Variants in TNS3 observed in about 807,000 individuals in gnomAD.
TNS3 encodes tensin 3, also known as tensin-3.
In TNS3, 45 loss-of-function variants were observed where a neutral mutation model predicts 140.9. The observed-to-expected ratio is 0.32, with a 90% CI of 0.25 to 0.41. The LOEUF (loss-of-function observed/expected upper bound fraction) is 0.41, where lower values mean the gene tolerates loss of function less well. TNS3 is among the 10% of genes least tolerant of loss of function. The pLI is 1.00. For synonymous variants in TNS3, 815 were observed against 788.4 expected, an observed-to-expected ratio of 1.03 and a Z score of -0.56; for missense variants, 1,716 against 1,906.7, an observed-to-expected ratio of 0.90 and a Z score of 1.86.
chr7:47,489,168 G>A (rs746007888), intron 3 of TNS3, among the ~76,000 whole-genome samples: 9 of 152,132 alleles, frequency 5.9e-5, no homozygotes, highest in South Asian at 2.1e-4. Context: ...ACACCCGCCC[G>A]GCAGACGCAA....
intron 1 of TNS3, among the ~76,000 whole-genome samples, chr7:47,561,602 G>A (rs1011047331): frequency 1.3e-5 from 2 of 152,134 alleles, no homozygotes; most frequent in Non-Finnish European, 2.9e-5. Flanking sequence ...CATTCCTTAG[G>A]TGGGTTGCAG....
chr7:47,405,488 C>T, intron 13 of TNS3: 1 of 702,846 alleles, frequency 1.4e-6, no homozygotes, highest in Middle Eastern at 2.3e-4. Context: ...CAGGCAGGGC[C>T]AACACTAACC....
intron 13 of TNS3, among the ~76,000 whole-genome samples, chr7:47,401,278 T>G (rs1054186131): frequency 2.0e-5 from 3 of 152,156 alleles, no homozygotes; most frequent in African/African-American, 7.2e-5. Flanking sequence ...ATCCGAAAAA[T>G]AGAATTCCAT....
chr7:47,382,551 G>C (rs930467453), intron 16 of TNS3, among the ~76,000 whole-genome samples: 1 of 152,194 alleles, frequency 6.6e-6, no homozygotes, highest in Non-Finnish European at 1.5e-5. Flanking sequence ...CTGTGGCTCA[G>C]AGTGTTTTGA....
At chr7:47,524,808 CAAGAAAAAAAAA>C (rs1284126145) in intron 2 of TNS3, among the ~76,000 whole-genome samples, 9 of 25,258 alleles carry the variant, frequency 3.6e-4, no homozygotes, top group African/African-American at 4.3e-4. Context: ...GACTCCGTCT[CAAGAAAAAAAAA>C]AAAAAAAAAA....
intron 21 of TNS3, 64 bp downstream of exon 21, chr7:47,304,768 T>C (rs2150725689): frequency 7.6e-7 from 1 of 1,317,882 alleles, no homozygotes; most frequent in Non-Finnish European, 9.8e-7. Flanking sequence ...TGGTCCCACA[T>C]GCCTCTCAGC....
intron 3 of TNS3, among the ~76,000 whole-genome samples, chr7:47,488,489 C>T (rs1797691095): frequency 6.6e-6 from 1 of 152,180 alleles, no homozygotes; most frequent in Non-Finnish European, 1.5e-5. Flanking sequence ...CAGATGGCCA[C>T]CTTCTCCCCG....
At position 47,532,121 on chromosome 7, in the gene TNS3, T is replaced by A. The variant is rs919206012; in HGVS notation, c.-264-2974A>T. ...GAGTGTCTATTCTGGCTGCCTGGCC[T>A]GTCTCCTCTCCCGGCCCCCCACCTC... On this transcript the variant is annotated intron_variant, in intron 1 of 30. Coordinates refer to ENST00000311160, the MANE Select transcript of TNS3 (RefSeq NM_022748.12). 7.9e-5 allele frequency among the ~76,000 whole-genome samples: 12 copies of A among 151,578 alleles called. No individual in the cohort carries two copies. The East Asian group carries it at 2.3e-3, about 29-fold the overall frequency.
chr7:47,328,247 C>T (rs1001844397), intron 20 of TNS3, among the ~76,000 whole-genome samples: 3 of 152,210 alleles, frequency 2.0e-5, no homozygotes, highest in Non-Finnish European at 2.9e-5. Flanking sequence ...GAAAGAATCC[C>T]GGGATTGTTG....
intron 20 of TNS3, among the ~76,000 whole-genome samples, chr7:47,313,808 GT>G (rs1326490473): frequency 1.3e-5 from 2 of 152,186 alleles, no homozygotes; most frequent in Non-Finnish European, 2.9e-5. Flanking sequence ...TGTTATCACA[GT>G]GCTTGTCCCA....
At chr7:47,392,517 G>C (rs1049728539) in intron 16 of TNS3, among the ~76,000 whole-genome samples, 1 of 152,158 alleles carries the variant, frequency 6.6e-6, no homozygotes, top group African/African-American at 2.4e-5. Flanking sequence ...GTGGAAAAGA[G>C]AGTGCCGCAA....
At chr7:47,458,606 G>A (rs935554695) in intron 4 of TNS3, among the ~76,000 whole-genome samples, 5 of 152,224 alleles carry the variant, frequency 3.3e-5, no homozygotes, top group African/African-American at 4.8e-5. Flanking sequence ...GGCTGCTCAA[G>A]CCACCTCCTG....
At chr7:47,442,603 C>T (rs1795521812) in intron 4 of TNS3, among the ~76,000 whole-genome samples, 1 of 152,140 alleles carries the variant, frequency 6.6e-6, no homozygotes, top group African/African-American at 2.4e-5. Flanking sequence ...AGGAAAAATG[C>T]CCAGCAACTG....
intron 5 of TNS3, among the ~76,000 whole-genome samples, chr7:47,439,991 G>T (rs76412039): frequency 0.11 from 16,805 of 152,118 alleles, 1,224 homozygotes; most frequent in African/African-American, 0.2. Context: ...GACTCTTTGT[G>T]GTTACACTGG....
chr7:47,373,684 C>A (rs1418651500), intron 16 of TNS3, among the ~76,000 whole-genome samples: 1 of 152,264 alleles, frequency 6.6e-6, no homozygotes, highest in African/African-American at 2.4e-5. Context: ...CCCACTGGAA[C>A]TCAGGCTCAC....
intron 4 of TNS3, chr7:47,452,839 G>A: frequency 1.2e-6 from 1 of 828,858 alleles, no homozygotes; most frequent in Non-Finnish European, 1.5e-6. Context: ...AAAGCAGCCA[G>A]TACCGGAGGC....
intron 4 of TNS3, among the ~76,000 whole-genome samples, chr7:47,459,933 T>C (rs1796411107): frequency 6.6e-6 from 1 of 152,018 alleles, no homozygotes; most frequent in Admixed American, 6.6e-5. Context: ...AACAGGATCT[T>C]TAAAGAAGTG....
chr7:47,299,231 G>T (rs566224850), intron 23 of TNS3, among the ~76,000 whole-genome samples: 15 of 152,278 alleles, frequency 9.9e-5, no homozygotes, highest in Admixed American at 5.9e-4. Flanking sequence ...TCAACCTGCT[G>T]GGCCCAAGTG....
Position 47,327,926 on chromosome 7 carries a change from C to T in TNS3, c.2650+16829G>A, listed in dbSNP as rs150877520. 4.6e-5 allele frequency among the ~76,000 whole-genome samples: 7 copies of T among 152,290 alleles called. No homozygotes were observed. In the East Asian group the frequency reaches 1.4e-3, roughly 29 times the overall value. Reference sequence around the variant, plus strand: ...AGAGGCGCCAGGAGCACAGAAGACACCAGGCGTGTAGGGACTGAGCAGGAA... The same window carrying T: ...AGAGGCGCCAGGAGCACAGAAGACATCAGGCGTGTAGGGACTGAGCAGGAA... On this transcript the variant is annotated intron_variant, in intron 20 of 30. Coordinates refer to ENST00000311160, the MANE Select transcript of TNS3 (RefSeq NM_022748.12).
Sources: gnomAD v4.1 joint callset for allele counts (sites outside exome capture counted in the v4.1 genomes callset) on GRCh38, gnomAD v4.1.1 for gene constraint, MANE v1.5 for transcripts, NCBI Gene and HGNC (gene_info 2026-07-23, HGNC 2026-07-21) for gene names.